ASB3: variants seen among roughly 807,000 people sequenced by gnomAD.
ASB3 encodes the protein ankyrin repeat and SOCS box containing 3.
A neutral mutation model predicts 54.5 loss-of-function variants in ASB3; 41 were observed. The ratio of observed to expected loss-of-function variants is 0.75; its 90% CI spans 0.59 to 0.98. ASB3 has a LOEUF of 0.98. Ranked by LOEUF, ASB3 falls within the 50% of genes least tolerant of loss-of-function variation. The probability of loss-of-function intolerance (pLI) is 0.00; values close to 1 mark genes in which losing one functional copy is unlikely to be tolerated. For missense variants in ASB3, 733 were observed against 620.0 expected (o/e 1.18, Z -1.94); for synonymous variants, 266 against 221.2 (o/e 1.20, Z -1.80).
Position 53,714,342 on chromosome 2 carries a change from G to C in ASB3, c.980+42C>G, listed in dbSNP as rs759185918. 6.9e-6 allele frequency: 11 copies of C among 1,602,962 alleles called. No homozygotes were observed. In the South Asian group the frequency reaches 9.0e-5, roughly 13 times the overall value. On this transcript the variant is annotated intron_variant, in intron 7 of 9. Transcript: ENST00000263634. ...TCACTTCAAAACACATCTCCATACAGCAAAAAAGAATAAAAAATAAAAACA... is the reference window on the plus strand; with the variant it reads ...TCACTTCAAAACACATCTCCATACACCAAAAAAGAATAAAAAATAAAAACA...
intron 3 of ASB3, among the ~76,000 whole-genome samples, chr2:53,743,811 G>C (rs1036727518): frequency 6.6e-6 from 1 of 152,188 alleles, no homozygotes; most frequent in South Asian, 2.1e-4. Flanking sequence ...GGGAGGCCGA[G>C]GCAGGCGGAT....
intron 1 of ASB3, among the ~76,000 whole-genome samples, chr2:53,769,089 G>A (rs1460854073): frequency 6.6e-6 from 1 of 152,224 alleles, no homozygotes; most frequent in African/African-American, 2.4e-5. Context: ...GACCTGAAAA[G>A]GGGCAATGGC....
intron 5 of ASB3, 28 bp downstream of exon 5, chr2:53,728,684 C>G (rs199874946): frequency 1.3e-6 from 2 of 1,492,426 alleles, no homozygotes; most frequent in African/African-American, 2.8e-5. Flanking sequence ...ATGATCTTAA[C>G]AGTACAAAGG....
chr2:53,708,164 T>C (rs1479544530), intron 7 of ASB3, among the ~76,000 whole-genome samples: 1 of 152,038 alleles, frequency 6.6e-6, no homozygotes, highest in East Asian at 1.9e-4. Flanking sequence ...CATAAATGGT[T>C]TAGCACCATC....
At chr2:53,694,176 G>A (rs1361204862) in intron 8 of ASB3, 162 bp from the exon 9 acceptor site, 3 of 703,126 alleles carry the variant, frequency 4.3e-6, no homozygotes, top group East Asian at 5.9e-5. Context: ...AAGATCAGAG[G>A]ATATTAACAA....
At chr2:53,737,962 C>T (rs1478852991) in intron 3 of ASB3, among the ~76,000 whole-genome samples, 3 of 152,032 alleles carry the variant, frequency 2.0e-5, no homozygotes, top group Admixed American at 2.0e-4. Flanking sequence ...AGAGAAGAGA[C>T]AAGAAATAGA....
chr2:53,762,212 T>C (rs985559569), intron 2 of ASB3, among the ~76,000 whole-genome samples: 2 of 152,054 alleles, frequency 1.3e-5, no homozygotes, highest in African/African-American at 2.4e-5. Flanking sequence ...CACACAAATA[T>C]AGACATACAC....
At chr2:53,708,430 A>G (rs920178696) in intron 7 of ASB3, among the ~76,000 whole-genome samples, 4 of 152,350 alleles carry the variant, frequency 2.6e-5, no homozygotes, top group South Asian at 2.1e-4. Flanking sequence ...ACCCAGTCTC[A>G]GGTATTTCTT....
At chr2:53,741,801 T>A (rs760549735) in intron 3 of ASB3, among the ~76,000 whole-genome samples, 1 of 152,084 alleles carries the variant, frequency 6.6e-6, no homozygotes, top group Non-Finnish European at 1.5e-5. Flanking sequence ...TAATCCAACA[T>A]CAGCAAGAAA....
intron 9 of ASB3, among the ~76,000 whole-genome samples, chr2:53,689,654 ACATTGCTCAAAACTAGGG>A (rs1167239849): frequency 6.6e-6 from 1 of 152,210 alleles, no homozygotes; most frequent in East Asian, 1.9e-4. Context: ...TGAGAAAAGA[ACATTGCTCAAAACTAGGG>A]CATTGCTCAA....
chr2:53,773,996 C>T lies in ASB3; in HGVS notation c.-13-8411G>A, dbSNP rs905370888. 5.8e-5 allele frequency: 51 copies of T among 876,888 alleles called. No homozygotes were observed. The African/African-American group carries it at 7.5e-4, about 13-fold the overall frequency. 54.3% of individuals were successfully genotyped at this position (876,888 alleles called of 1,614,324 possible). A position where few individuals can be genotyped will look rare whatever the true frequency, so the allele number is the denominator to read the frequency against. ...GTTGCAGTAGGCCACGATCGTGCCA[C>T]TGCACCACAGCCTGGGCAACAGACA... On this transcript the variant is annotated intron_variant, in intron 1 of 9. Coordinates refer to ENST00000263634, the MANE Select transcript of ASB3 (RefSeq NM_016115.5).
intron 3 of ASB3, among the ~76,000 whole-genome samples, chr2:53,746,018 G>C (rs565128720): frequency 1.3e-4 from 20 of 152,282 alleles, no homozygotes. Context: ...TAAAAAGATT[G>C]TCCAAGTGCA....
chr2:53,714,345 A>G (rs764875213), intron 7 of ASB3, 39 bp downstream of exon 7: 12 of 1,604,894 alleles, frequency 7.5e-6, no homozygotes, highest in East Asian at 2.2e-5. Context: ...CCATACAGCA[A>G]AAAAGAATAA....
At chr2:53,727,297 T>G (rs1263866538) in intron 5 of ASB3, among the ~76,000 whole-genome samples, 1 of 152,162 alleles carries the variant, frequency 6.6e-6, no homozygotes, top group Non-Finnish European at 1.5e-5. Context: ...TACTCTGACT[T>G]AAGTGTTTGA....
intron 1 of ASB3, among the ~76,000 whole-genome samples, chr2:53,766,273 C>T (rs1673448015): frequency 6.6e-6 from 1 of 152,216 alleles, no homozygotes; most frequent in Non-Finnish European, 1.5e-5. Flanking sequence ...TTCTTGCCCA[C>T]ATCATCACCT....
Position 53,777,603 on chromosome 2 carries a change from A to AC in ASB3, c.-14+9217dup, listed in dbSNP as rs527619398. 1.8e-4 allele frequency among the ~76,000 whole-genome samples: 28 copies of AC among 152,168 alleles called. No homozygotes were observed. The East Asian group carries it at 5.2e-3, about 28-fold the overall frequency. On this transcript the variant is annotated intron_variant, in intron 1 of 9. Coordinates refer to ENST00000263634, the MANE Select transcript of ASB3 (RefSeq NM_016115.5). ...AAGCATGGAAACTTATTGTACTAAA[A>AC]CCAGTACTCATCTCCTTTCCCAACC...
At chr2:53,761,280 G>A (rs1673128893) in intron 2 of ASB3, among the ~76,000 whole-genome samples, 2 of 152,178 alleles carry the variant, frequency 1.3e-5, no homozygotes, top group South Asian at 2.1e-4. Context: ...TAAAGAAATA[G>A]TCAAATCATA....
In ASB3 at chr2:53,728,860, T is replaced by G. The variant is rs1271790172; in HGVS notation, c.469-13A>C. On this transcript the variant is annotated splice_polypyrimidine_tract_variant and intron_variant, in intron 4 of 9. Coordinates refer to ENST00000263634, the MANE Select transcript of ASB3 (RefSeq NM_016115.5). ...TCTCAGCATTTTCCTAAAGCACAGA[T>G]TCACATTTTAAATAAGAAAAAAACA... 1 of 1,573,746 alleles carries G rather than the reference T, an allele frequency of 6.4e-7. No individual in the cohort carries two copies. The highest frequency in any genetic ancestry group is 1.4e-5 in the African/African-American group (1 of 73,060).
intron 1 of ASB3, chr2:53,774,705 A>G (rs1050257292): frequency 6.6e-5 from 33 of 502,734 alleles, no homozygotes; most frequent in African/African-American, 5.9e-4. Flanking sequence ...TCAAATTTTA[A>G]TAACATAAAG....
Sources: allele counts gnomAD v4.1 joint callset (sites outside exome capture counted in the v4.1 genomes callset), GRCh38; gene constraint gnomAD v4.1.1; transcripts MANE v1.5; gene names NCBI Gene and HGNC (gene_info 2026-07-23, HGNC 2026-07-21).